Variants in MACROD2 observed in about 807,000 individuals in gnomAD.
MACROD2 encodes the protein mono-ADP ribosylhydrolase 2.
A neutral mutation model predicts 70.4 loss-of-function variants in MACROD2; 36 were observed. The ratio of observed to expected loss-of-function variants is 0.51; its 90% CI spans 0.39 to 0.68. The LOEUF (loss-of-function observed/expected upper bound fraction) is 0.68. Among genes scored for constraint, MACROD2 ranks in the 30% least tolerant of loss-of-function variants. The pLI is 0.00. For synonymous variants in MACROD2, 172 were observed against 178.8 expected, an observed-to-expected ratio of 0.96 and a Z score of 0.30; for missense variants, 496 against 538.4, an observed-to-expected ratio of 0.92 and a Z score of 0.78.
chr20:14,220,048 G>C (rs2081657375), intron 3 of MACROD2, among the ~76,000 whole-genome samples: 1 of 152,136 alleles, frequency 6.6e-6, no homozygotes. Context: ...CATCAGCTGT[G>C]GTATTATGGG....
chr20:15,247,357 A>G (rs2077115232), intron 6 of MACROD2, among the ~76,000 whole-genome samples: 1 of 152,186 alleles, frequency 6.6e-6, no homozygotes, highest in African/African-American at 2.4e-5. Context: ...CAACTTGATA[A>G]AGAGAGTTTG....
intron 6 of MACROD2, among the ~76,000 whole-genome samples, chr20:15,420,601 G>GAA (rs11482824): frequency 2.0e-5 from 3 of 151,728 alleles, no homozygotes; most frequent in Admixed American, 1.3e-4. Flanking sequence ...ATGCGATGGG[G>GAA]AAAAAAATTG....
chr20:16,032,069 T>C (rs1351981218), intron 15 of MACROD2, among the ~76,000 whole-genome samples: 2 of 152,158 alleles, frequency 1.3e-5, no homozygotes, highest in African/African-American at 2.4e-5. Context: ...TTTCTGTTGT[T>C]TTTTAATGTC....
chr20:14,049,578 TAAA>T (rs770690841), intron 2 of MACROD2, among the ~76,000 whole-genome samples: 3 of 118,170 alleles, frequency 2.5e-5, no homozygotes, highest in Non-Finnish European at 5.4e-5. Context: ...CTGTCTCTAC[TAAA>T]AAAAAAAAAA....
chr20:14,388,935 T>C (rs1214799621), intron 3 of MACROD2, among the ~76,000 whole-genome samples: 2 of 152,120 alleles, frequency 1.3e-5, no homozygotes, highest in African/African-American at 4.8e-5. Context: ...TAGAGTGCAG[T>C]GGCGTGATCT....
At chr20:14,086,556 C>T (rs1049628976) in intron 3 of MACROD2, among the ~76,000 whole-genome samples, 4 of 152,016 alleles carry the variant, frequency 2.6e-5, no homozygotes, top group Non-Finnish European at 4.4e-5. Context: ...ATTGTGTTAT[C>T]GGGAATGTTT....
At chr20:14,674,846 AT>A (rs1206808588) in intron 4 of MACROD2, among the ~76,000 whole-genome samples, 1 of 152,218 alleles carries the variant, frequency 6.6e-6, no homozygotes, top group Non-Finnish European at 1.5e-5. Context: ...AGAGATACAT[AT>A]TCAATGAGCG....
chr20:14,868,716 A>G (rs2073454871), intron 5 of MACROD2, among the ~76,000 whole-genome samples: 1 of 152,128 alleles, frequency 6.6e-6, no homozygotes, highest in Admixed American at 6.5e-5. Flanking sequence ...TTTCCTTTCA[A>G]CATATTACAG....
At chr20:14,653,966 G>A (rs1006126248) in intron 4 of MACROD2, among the ~76,000 whole-genome samples, 13 of 151,986 alleles carry the variant, frequency 8.6e-5, no homozygotes, top group African/African-American at 2.7e-4. Flanking sequence ...TTTCCTGACC[G>A]CATTTCTTTG....
At chr20:14,439,641 TG>T (rs2084098602) in intron 3 of MACROD2, among the ~76,000 whole-genome samples, 1 of 152,152 alleles carries the variant, frequency 6.6e-6, no homozygotes, top group Non-Finnish European at 1.5e-5. Context: ...TTGGGCAGAA[TG>T]GTTAATCTCT....
intron 8 of MACROD2, among the ~76,000 whole-genome samples, chr20:15,854,635 G>T (rs1258749212): frequency 6.6e-6 from 1 of 152,188 alleles, no homozygotes; most frequent in East Asian, 1.9e-4. Flanking sequence ...TTGTCATGTG[G>T]CAGCAGAAAA....
intron 5 of MACROD2, among the ~76,000 whole-genome samples, chr20:15,162,840 T>A (rs1465918491): frequency 6.6e-6 from 1 of 151,984 alleles, no homozygotes; most frequent in African/African-American, 2.4e-5. Context: ...AACACAATAA[T>A]TGAAATAATA....
intron 5 of MACROD2, among the ~76,000 whole-genome samples, chr20:14,784,046 G>C (rs759168097): frequency 6.6e-6 from 1 of 152,082 alleles, no homozygotes; most frequent in Non-Finnish European, 1.5e-5. Flanking sequence ...CTCTGAGATG[G>C]TAAAGGCAGG....
chr20:14,950,406 A>T (rs1380117952), intron 5 of MACROD2, among the ~76,000 whole-genome samples: 1 of 152,158 alleles, frequency 6.6e-6, no homozygotes, highest in Non-Finnish European at 1.5e-5. Context: ...AAATTAGAAT[A>T]GCAGGATTGA....
chr20:15,078,298 C>T (rs1221065582), intron 5 of MACROD2, among the ~76,000 whole-genome samples: 1 of 152,078 alleles, frequency 6.6e-6, no homozygotes, highest in Non-Finnish European at 1.5e-5. Flanking sequence ...TTGGAATATC[C>T]ATAGTCCTCC....
intron 5 of MACROD2, among the ~76,000 whole-genome samples, chr20:14,694,432 C>T (rs568931024): frequency 6.6e-6 from 1 of 152,188 alleles, no homozygotes. Context: ...AGTGATCTTT[C>T]TGCTGAAGGT....
intron 13 of MACROD2, among the ~76,000 whole-genome samples, chr20:15,983,020 G>A (rs1204331379): frequency 6.6e-6 from 1 of 152,216 alleles, no homozygotes; most frequent in East Asian, 1.9e-4. Flanking sequence ...CATATAGAGT[G>A]TAAAGAGTTT....
At chr20:15,369,727 G>A (rs1171428347) in intron 6 of MACROD2, among the ~76,000 whole-genome samples, 6 of 152,094 alleles carry the variant, frequency 3.9e-5, no homozygotes, top group East Asian at 3.9e-4. Flanking sequence ...GAGGAGGAAA[G>A]CCTACAGCGT....
intron 7 of MACROD2, among the ~76,000 whole-genome samples, chr20:15,477,524 A>G (rs1038819358): frequency 1.3e-5 from 2 of 152,096 alleles, no homozygotes; most frequent in African/African-American, 2.4e-5. Context: ...AAAAAGTTGG[A>G]TAAAAGACAT....
Sources: gnomAD v4.1 joint callset for allele counts (sites outside exome capture counted in the v4.1 genomes callset) on GRCh38, gnomAD v4.1.1 for gene constraint, MANE v1.5 for transcripts, NCBI Gene and HGNC (gene_info 2026-07-23, HGNC 2026-07-21) for gene names.